The following KIAA1210 variants were observed in gnomAD, a reference collection of about 807,000 sequenced individuals.
KIAA1210 encodes KIAA1210, also known as acrosomal protein KIAA1210.
A neutral mutation model predicts 78.9 loss-of-function variants in KIAA1210; 48 were observed. The ratio of observed to expected loss-of-function variants is 0.61; its 90% CI spans 0.48 to 0.77. The LOEUF is 0.77. Among genes scored for constraint, KIAA1210 ranks in the 30% least tolerant of loss-of-function variants. KIAA1210 has a pLI of 0.00. For missense variants in KIAA1210, 1,108 were observed against 1,100.0 expected (o/e 1.01, Z -0.10); for synonymous variants, 406 against 404.5 (o/e 1.00, Z -0.04).
chrX:119,092,515 A>G (rs1175215192), intron 8 of KIAA1210, among the ~76,000 whole-genome samples: 2 of 112,039 alleles, frequency 1.8e-5, no homozygotes, highest in East Asian at 2.8e-4. Context: ...CAATCCCAGC[A>G]CTTTGGGAGG....
intron 6 of KIAA1210, among the ~76,000 whole-genome samples, chrX:119,097,279 A>AT (rs1927586007): frequency 1.8e-5 from 2 of 111,540 alleles, no homozygotes; most frequent in Admixed American, 1.9e-4. Flanking sequence ...TGGGATAGTG[A>AT]TGGAGCCTGT....
chrX:119,137,734 C>T (rs1326116425), intron 2 of KIAA1210, among the ~76,000 whole-genome samples: 1 of 111,992 alleles, frequency 8.9e-6, no homozygotes, highest in Non-Finnish European at 1.9e-5. Context: ...TTATGTGTGA[C>T]CCAAGACAAT....
chrX:119,087,777 A>G lies in KIAA1210; in HGVS notation c.2925T>C (p.Ser975=). The G allele has an allele frequency of 8.3e-7, 1 of 1,210,972 alleles. No individual in the cohort carries two copies. Among genetic ancestry groups the G allele is most frequent in the Non-Finnish European group, 1.1e-6 (1 of 895,142 alleles). The change falls in exon 9 of 12, where the codon AGT becomes AGC. Residue 975 remains serine (S), a synonymous_variant. Coordinates refer to ENST00000691062, the MANE Select transcript of KIAA1210 (RefSeq NM_001394962.1). ...RAAIEADISG[S]PLPPQYATQF... Reference sequence around the variant, plus strand: ...GGGTAGCATATTGGGGAGGCAATGGACTCCCAGAAATGTCTGCCTCAATAG... The same window carrying G: ...GGGTAGCATATTGGGGAGGCAATGGGCTCCCAGAAATGTCTGCCTCAATAG...
chrX:119,092,759 T>TCAAATAAATAAA (rs746567004), intron 8 of KIAA1210, among the ~76,000 whole-genome samples: 1,016 of 85,313 alleles, frequency 0.012, 12 homozygotes, highest in African/African-American at 0.04. Context: ...AGACTCCGTC[T>TCAAATAAATAAA]TAAATAAATA....
chrX:119,130,506 A>G (rs971842658), upstream of KIAA1210, among the ~76,000 whole-genome samples: 2 of 112,918 alleles, frequency 1.8e-5, no homozygotes, highest in Non-Finnish European at 3.7e-5. Context: ...TCTGAGTATT[A>G]CCAGCACCTA....
At chrX:119,114,670 G>A (rs1370608192) in intron 3 of KIAA1210, among the ~76,000 whole-genome samples, 2 of 111,789 alleles carry the variant, frequency 1.8e-5, no homozygotes, top group Non-Finnish European at 3.8e-5. Context: ...TGGGCTATGA[G>A]TGGGCTTAGA....
chrX:119,126,167 G>A (rs949184668), intron 1 of KIAA1210, among the ~76,000 whole-genome samples: 7 of 105,241 alleles, frequency 6.7e-5, no homozygotes, highest in Non-Finnish European at 1.4e-4. Context: ...GGCCCATCCT[G>A]TCCTGCTTTC....
rs200015496 is a variant in KIAA1210 at position 119,087,355 on chromosome X, A to G, written c.3347T>C (p.Leu1116Pro). The change falls in exon 9 of 12, where the codon CTG (leucine) becomes CCG (proline). Residue 1116 changes from leucine to proline, a missense_variant. Physicochemically the swap from Leu to Pro is moderately conservative, Grantham distance 98 (BLOSUM62 -3). Around this residue, in one of 5 missense-constraint regions of KIAA1210, gnomAD observed 5 missense variants for 18.2 expected, o/e 0.27. Coordinates refer to ENST00000691062, the MANE Select transcript of KIAA1210 (RefSeq NM_001394962.1). ...PGKCSSFKEQ[L>P]SPRQLSQALR... ...GGCCTGGGAAAGCTGCCTGGGAGACAGCTGCTCTTTAAAACTGCTGCACTT... is the reference window on the plus strand; with the variant it reads ...GGCCTGGGAAAGCTGCCTGGGAGACGGCTGCTCTTTAAAACTGCTGCACTT... 1.1e-3 allele frequency: 1,308 copies of G among 1,209,799 alleles called. 1 individual carries two copies. The highest frequency in any genetic ancestry group is 1.4e-3 in the Non-Finnish European group (1,251 of 895,102).
At chrX:119,114,377 G>A (rs760647144) in intron 3 of KIAA1210, among the ~76,000 whole-genome samples, 157 of 112,329 alleles carry the variant, frequency 1.4e-3, no homozygotes, top group African/African-American at 4.6e-3. Flanking sequence ...TGGCCCTGGT[G>A]TTGGAAGCAA....
chrX:119,125,796 C>T (rs1442671979), intron 1 of KIAA1210, among the ~76,000 whole-genome samples: 1 of 72,340 alleles, frequency 1.4e-5, no homozygotes, highest in African/African-American at 5.4e-5. Context: ...TAGTCTTGAA[C>T]TCAAGTGATT....
chrX:119,134,529 A>T (rs1928868532), intron 2 of KIAA1210, among the ~76,000 whole-genome samples: 1 of 112,156 alleles, frequency 8.9e-6, no homozygotes, highest in Admixed American at 9.4e-5. Flanking sequence ...ATCTTTCTAC[A>T]TTCCACACCC....
At position 119,086,916 on chromosome X, in the gene KIAA1210, C is replaced by T; in HGVS notation, c.3786G>A (p.Arg1262=). The part of the protein sequence containing the change: ...KPGKFTIAPV[R]QTSTSGGIYS... Reference sequence around the variant, plus strand: ...AAATGCCCCCAGAAGTGGATGTTTGCCTGACAGGAGCAATGGTGAACTTCC... The same window carrying T: ...AAATGCCCCCAGAAGTGGATGTTTGTCTGACAGGAGCAATGGTGAACTTCC... The change falls in exon 9 of 12, where the codon AGG becomes AGA. Residue 1262 remains arginine, a synonymous_variant. Coordinates refer to ENST00000691062, the MANE Select transcript of KIAA1210 (RefSeq NM_001394962.1). 8.3e-7 allele frequency: 1 copy of T among 1,211,261 alleles called. No homozygotes were observed. The highest frequency in any genetic ancestry group is 1.1e-6 in the Non-Finnish European group (1 of 895,301).
Position 119,087,564 on chromosome X carries a change from G to T in KIAA1210, c.3138C>A (p.Pro1046=), listed in dbSNP as rs61729890. Residue 1046 remains proline, a synonymous_variant, in exon 9 of 12, where the codon CCC becomes CCA. Transcript: ENST00000691062. ...KRGSDVAPLP[P]NLPSKSLSKP... ...TTGATAAAGATTTGGAAGGAAGATT[G>T]GGAGGCAGAGGTGCCACATCACTGC... 2.9e-3 allele frequency: 3,488 copies of T among 1,209,752 alleles called. 55 individuals carry two copies. The African/African-American group carries it at 0.049, about 17-fold the overall frequency.
intron 3 of KIAA1210, among the ~76,000 whole-genome samples, chrX:119,114,736 C>T (rs1036521305): frequency 3.1e-4 from 35 of 111,836 alleles, no homozygotes; most frequent in African/African-American, 1.1e-3. Flanking sequence ...TGAATTGGCT[C>T]TATAGTGCCA....
At position 119,087,751 on chromosome X, in the gene KIAA1210, T is replaced by A. The variant is rs1328321561; in HGVS notation, c.2951A>T (p.Gln984Leu). ...GSPLPPQYAT[Q>L]FLKRSKVQEM... ...CTGAACTTTAGACCTCTTTAAGAAC[T>A]GGGTAGCATATTGGGGAGGCAATGG... The change falls in exon 9 of 12, where the codon CAG (glutamine) becomes CTG (leucine). Residue 984 changes from glutamine (Q) to leucine (L), a missense_variant. Transcript: ENST00000691062. 1 of 1,211,861 alleles carries A rather than the reference T, an allele frequency of 8.3e-7. No individual in the cohort carries two copies. The highest frequency in any genetic ancestry group is 1.1e-6 in the Non-Finnish European group (1 of 895,448).
intron 7 of KIAA1210, among the ~76,000 whole-genome samples, chrX:119,094,937 T>A (rs900219415): frequency 1.8e-5 from 2 of 111,779 alleles, no homozygotes; most frequent in Non-Finnish European, 3.8e-5. Flanking sequence ...GGATAATGCA[T>A]GTATAGGGTT....
chrX:119,110,374 A>G (rs947344820), intron 3 of KIAA1210, among the ~76,000 whole-genome samples: 1 of 112,151 alleles, frequency 8.9e-6, no homozygotes, highest in African/African-American at 3.2e-5. Context: ...GGCTAACATC[A>G]TGGTGAAGGC....
intron 6 of KIAA1210, among the ~76,000 whole-genome samples, chrX:119,099,706 C>A (rs1463938592): frequency 8.9e-6 from 1 of 111,893 alleles, no homozygotes; most frequent in Non-Finnish European, 1.9e-5. Flanking sequence ...GGTCTGGAAT[C>A]CCCCAGCACC....
intron 7 of KIAA1210, among the ~76,000 whole-genome samples, chrX:119,094,590 G>A (rs1001740243): frequency 1.2e-4 from 13 of 112,051 alleles, no homozygotes; most frequent in African/African-American, 3.9e-4. Context: ...TACTTGCTGC[G>A]TGACCTTGGG....
Sources: allele counts gnomAD v4.1 joint callset (sites outside exome capture counted in the v4.1 genomes callset), GRCh38; gene constraint gnomAD v4.1.1; regional missense constraint gnomAD v4.1.1; transcripts MANE v1.5; gene names NCBI Gene and HGNC (gene_info 2026-07-23, HGNC 2026-07-21).